The following NEDD9 variants were observed in gnomAD, a reference collection of about 807,000 sequenced individuals.
The protein encoded by NEDD9 is enhancer of filamentation 1.
In NEDD9, 26 loss-of-function variants were observed where a neutral mutation model predicts 76.6. That is an observed-to-expected ratio of 0.34 (90% CI 0.25 to 0.47). NEDD9 has a LOEUF of 0.47. Ranked by LOEUF, NEDD9 falls within the 20% of genes least tolerant of loss-of-function variation. NEDD9 has a pLI of 1.00. For missense variants in NEDD9, 937 were observed against 1,058.5 expected, an observed-to-expected ratio of 0.89 and a Z score of 1.59; for synonymous variants, 392 against 414.2, an observed-to-expected ratio of 0.95 and a Z score of 0.65.
chr6:11,334,107 T>A (rs1762101020), intron 2 of NEDD9, among the ~76,000 whole-genome samples: 1 of 152,128 alleles, frequency 6.6e-6, no homozygotes, highest in Admixed American at 6.6e-5. Context: ...ATATAGCACA[T>A]CAATCAAAAA....
At chr6:11,311,577 C>A (rs1761367806) in intron 2 of NEDD9, among the ~76,000 whole-genome samples, 1 of 152,214 alleles carries the variant, frequency 6.6e-6, no homozygotes, top group African/African-American at 2.4e-5. Flanking sequence ...CTCTAAGCTT[C>A]AATCTCTTCA....
Position 11,190,804 on chromosome 6 carries a change from A to T in NEDD9, c.1065T>A (p.Ala355=). ...CATCCACCAAGTCCCGAGAGCCTTT[A>T]GCATCTGGCGGGTTATGCAGAGGGA... The part of the protein sequence containing the change: ...YDVPLHNPPD[A]KGSRDLVDGI... The change falls in exon 5 of 7, where the codon GCT becomes GCA. Residue 355 remains alanine, a synonymous_variant. Coordinates refer to ENST00000379446, the MANE Select transcript of NEDD9 (RefSeq NM_006403.4). This position sits in a 1 kb window ranked among gnomAD's most constrained non-coding sequence, Gnocchi z 5.8. 6.2e-7 allele frequency: 1 copy of T among 1,614,158 alleles called. No homozygotes were observed. Among genetic ancestry groups the T allele is most frequent in the Non-Finnish European group, 8.5e-7 (1 of 1,180,034 alleles).
Position 11,184,647 on chromosome 6 carries a change from G to A in NEDD9, c.*515C>T, listed in dbSNP as rs1757931165. The A allele has an allele frequency of 6.5e-6, 1 of 154,112 alleles. No individual in the cohort carries two copies. The highest frequency in any genetic ancestry group is 2.0e-4 in the South Asian group (1 of 4,946). The allele number at this position is 154,112 out of a possible 1,614,324, so 9.5% of individuals were successfully genotyped here. Reference sequence around the variant, plus strand: ...AAAAGAGTTTTCCAAACAAGAATAAGTCATGCTATGCCTCATGATTTGGAA... The same window carrying A: ...AAAAGAGTTTTCCAAACAAGAATAAATCATGCTATGCCTCATGATTTGGAA... On this transcript the variant is annotated 3_prime_UTR_variant, in exon 7 of 7. Coordinates refer to ENST00000379446, the MANE Select transcript of NEDD9 (RefSeq NM_006403.4).
intron 3 of NEDD9, among the ~76,000 whole-genome samples, chr6:11,268,994 C>A (rs141452545): frequency 6.6e-6 from 1 of 152,122 alleles, no homozygotes; most frequent in African/African-American, 2.4e-5. Flanking sequence ...TTTCTTATTA[C>A]GTAAAAGTGC....
At chr6:11,312,976 G>A (rs1357709588) in intron 2 of NEDD9, among the ~76,000 whole-genome samples, 1 of 152,108 alleles carries the variant, frequency 6.6e-6, no homozygotes, top group Non-Finnish European at 1.5e-5. Flanking sequence ...AATTCTTAAG[G>A]TGACTCATAA....
intron 2 of NEDD9, among the ~76,000 whole-genome samples, chr6:11,319,750 TAACATGCACAC>T (rs2113466728): frequency 2.8e-5 from 2 of 71,430 alleles, no homozygotes; most frequent in African/African-American, 8.0e-5. Context: ...ACACACACAC[TAACATGCACAC>T]TAACATGCAC....
intron 4 of NEDD9, 104 bp downstream of exon 4, chr6:11,192,241 G>T: frequency 4.4e-6 from 3 of 675,818 alleles, no homozygotes; most frequent in South Asian, 2.5e-5. Context: ...TGCCTTTCTT[G>T]TTTTATTCGA....
At chr6:11,296,380 A>T (rs1244577652) in intron 3 of NEDD9, among the ~76,000 whole-genome samples, 5 of 152,222 alleles carry the variant, frequency 3.3e-5, no homozygotes, top group Non-Finnish European at 7.3e-5. Flanking sequence ...TTTAAGTATA[A>T]TGAAGCAGGA....
rs115358041 is a variant in NEDD9 at position 11,240,290 on chromosome 6, G to A, written c.13-26563C>T. ...GGTCTCCACACTGTGAAGACTTGAC[G>A]AGGACCTGGTGCCTCTTACCACTTA... is the stretch of plus-strand genomic sequence containing the variant. On this transcript the variant is annotated intron_variant, in intron 3 of 3. Transcript: ENST00000397378. Among the ~76,000 whole-genome samples the A allele has an allele frequency of 4.3e-3, 656 of 152,196 alleles. 2 individuals carry two copies. Among genetic ancestry groups the A allele is most frequent in the African/African-American group, 0.015 (637 of 41,514 alleles).
chr6:11,234,927 G>A (rs1200939568), upstream of NEDD9, among the ~76,000 whole-genome samples: 2 of 152,078 alleles, frequency 1.3e-5, no homozygotes, highest in Non-Finnish European at 2.9e-5. Flanking sequence ...GGCCAGGCTG[G>A]TCTCGAACTC....
chr6:11,200,291 T>A (rs2113735316), intron 2 of NEDD9: 1 of 458,606 alleles, frequency 2.2e-6, no homozygotes, highest in South Asian at 1.5e-5. Context: ...GCTGAAGACA[T>A]CAGGGTTGCC....
At chr6:11,299,898 G>T (rs545503233) in intron 3 of NEDD9, among the ~76,000 whole-genome samples, 1 of 152,252 alleles carries the variant, frequency 6.6e-6, no homozygotes, top group South Asian at 2.1e-4. Context: ...CACAAAGATG[G>T]GGAGAAACCA....
chr6:11,328,624 T>C (rs553382098), intron 2 of NEDD9: 2 of 152,366 alleles, frequency 1.3e-5, no homozygotes, highest in Admixed American at 1.3e-4. Flanking sequence ...TGATTGGCAT[T>C]GTCCTTTAAA....
intron 1 of NEDD9, among the ~76,000 whole-genome samples, chr6:11,346,680 C>A (rs1348156782): frequency 6.6e-6 from 1 of 152,188 alleles, no homozygotes; most frequent in African/African-American, 2.4e-5. Flanking sequence ...AGGATCTGGA[C>A]TGACTGCTGG....
At chr6:11,351,366 T>C (rs79005596) in intron 1 of NEDD9, among the ~76,000 whole-genome samples, 1 of 152,104 alleles carries the variant, frequency 6.6e-6, no homozygotes, top group African/African-American at 2.4e-5. Context: ...AAGAGGGGCT[T>C]CATGGAGCTG....
At position 11,342,577 on chromosome 6, in the gene NEDD9, G is replaced by C. The variant is rs376867636; in HGVS notation, c.-213-8016C>G. Among the ~76,000 whole-genome samples, 12 of 152,258 alleles carry C rather than the reference G, an allele frequency of 7.9e-5. No homozygotes were observed. The East Asian group carries it at 1.9e-3, about 24-fold the overall frequency. ...ATTCTATATAAATTGAATAAAAATA[G>C]TCTTCAAAATTGAAGGTGAAATGAA... On this transcript the variant is annotated intron_variant, in intron 1 of 3. Transcript: ENST00000397378.
intron 3 of NEDD9, among the ~76,000 whole-genome samples, chr6:11,265,306 A>T (rs1760182338): frequency 6.6e-6 from 1 of 152,246 alleles, no homozygotes; most frequent in African/African-American, 2.4e-5. Context: ...AAAAACGCTC[A>T]CCAAATATCA....
chr6:11,269,663 C>T (rs1003255721), intron 3 of NEDD9, among the ~76,000 whole-genome samples: 6 of 151,858 alleles, frequency 4.0e-5, no homozygotes, highest in Non-Finnish European at 8.8e-5. Context: ...TGGGTTGTTT[C>T]GGTCTGTCAT....
At chr6:11,251,026 T>C (rs1015191222) in intron 3 of NEDD9, among the ~76,000 whole-genome samples, 15 of 152,190 alleles carry the variant, frequency 9.9e-5, no homozygotes, top group Non-Finnish European at 2.1e-4. Flanking sequence ...CTTAAAGAGA[T>C]GATGGGGTAT....
Sources: gnomAD v4.1 joint callset for allele counts (sites outside exome capture counted in the v4.1 genomes callset) on GRCh38, gnomAD v4.1.1 for gene constraint, Gnocchi (gnomAD v3.1) non-coding constraint, MANE v1.5 for transcripts, NCBI Gene and HGNC (gene_info 2026-07-23, HGNC 2026-07-21) for gene names.